Variants in MPRIP observed in about 807,000 individuals in gnomAD.
The protein encoded by MPRIP is myosin phosphatase Rho interacting protein.
Under a neutral mutation model 234.9 loss-of-function variants are expected in MPRIP, and 59 were observed. The observed-to-expected ratio is 0.25, with a 90% confidence interval of 0.20 to 0.31. The LOEUF (loss-of-function observed/expected upper bound fraction) is 0.31. Ranked by LOEUF, MPRIP falls within the 10% of genes least tolerant of loss-of-function variation. The pLI, the probability that MPRIP is intolerant of heterozygous loss-of-function variation, is 1.00. For synonymous variants in MPRIP, 1,144 were observed against 1,263.9 expected, an observed-to-expected ratio of 0.91 and a Z score of 2.01; for missense variants, 2,436 against 3,071.0, an observed-to-expected ratio of 0.79 and a Z score of 4.89.
intron 18 of MPRIP, 146 bp downstream of exon 18, chr17:17,172,961 C>T (rs2046177069): frequency 3.0e-6 from 2 of 657,266 alleles, no homozygotes; most frequent in Non-Finnish European, 5.3e-6. Context: ...CTCAGATGCC[C>T]TCTTGTCCAG....
At chr17:17,073,361 C>G (rs1041953543) in intron 1 of MPRIP, among the ~76,000 whole-genome samples, 2 of 152,188 alleles carry the variant, frequency 1.3e-5, no homozygotes, top group Non-Finnish European at 2.9e-5. Context: ...ACACGGGGTT[C>G]CTGAGCAGAG....
At chr17:17,179,775 CGGGG>C (rs2046334202) in intron 22 of MPRIP, among the ~76,000 whole-genome samples, 1 of 152,178 alleles carries the variant, frequency 6.6e-6, no homozygotes, top group African/African-American at 2.4e-5. Context: ...GAAGCCCTGG[CGGGG>C]CCCCACATAC....
intron 13 of MPRIP, among the ~76,000 whole-genome samples, chr17:17,155,185 G>A (rs1463145620): frequency 6.6e-6 from 1 of 151,990 alleles, no homozygotes; most frequent in East Asian, 1.9e-4. Flanking sequence ...TTGTGCTGTG[G>A]GTTAGGCTGC....
intron 23 of MPRIP, chr17:17,180,564 T>G: frequency 1.3e-6 from 2 of 1,574,200 alleles, no homozygotes; most frequent in Non-Finnish European, 1.7e-6. Context: ...CGCGTGTGTT[T>G]GGGATTGGTT....
At chr17:17,090,893 C>A (rs1208041101) in intron 3 of MPRIP, among the ~76,000 whole-genome samples, 1 of 152,068 alleles carries the variant, frequency 6.6e-6, no homozygotes, top group African/African-American at 2.4e-5. Flanking sequence ...GGTTTTGGAG[C>A]CTTACCTGGT....
At chr17:17,091,414 C>G (rs1199093039) in intron 3 of MPRIP, among the ~76,000 whole-genome samples, 2 of 152,172 alleles carry the variant, frequency 1.3e-5, no homozygotes, top group Non-Finnish European at 2.9e-5. Context: ...GCCGCTTGCT[C>G]CGTGCAGCAT....
chr17:17,102,282 A>G (rs1246327412), intron 3 of MPRIP, among the ~76,000 whole-genome samples: 1 of 152,176 alleles, frequency 6.6e-6, no homozygotes, highest in South Asian at 2.1e-4. Context: ...CAGCTCCCCA[A>G]GTGTACAAGG....
At chr17:17,103,547 G>A (rs768812892) in intron 3 of MPRIP, among the ~76,000 whole-genome samples, 1 of 152,188 alleles carries the variant, frequency 6.6e-6, no homozygotes, top group Non-Finnish European at 1.5e-5. Flanking sequence ...AAGCAGATTT[G>A]TTTTTGCAGG....
chr17:17,152,040 T>C (rs1350505125), intron 12 of MPRIP, among the ~76,000 whole-genome samples: 1 of 152,236 alleles, frequency 6.6e-6, no homozygotes, highest in Non-Finnish European at 1.5e-5. Context: ...GACTGAAGTA[T>C]AGACCCAAAG....
intron 6 of MPRIP, among the ~76,000 whole-genome samples, chr17:17,136,982 C>A (rs1266332080): frequency 6.6e-6 from 1 of 152,150 alleles, no homozygotes; most frequent in Admixed American, 6.5e-5. Context: ...GTCTTGTTCC[C>A]AGGCTCTAGA....
rs762385637 is a variant in MPRIP at position 17,126,690 on chromosome 17, G to A, written c.268-12G>A. On this transcript the variant is annotated splice_polypyrimidine_tract_variant and intron_variant, in intron 3 of 23. Coordinates refer to ENST00000651222, the MANE Select transcript of MPRIP (RefSeq NM_001364716.4). ...GCTGGCCTCTGGGTGACTCTCTGCC[G>A]CCTTCTTCCAGCCCACGACCCTTCC... 55 of 1,605,392 alleles carry A rather than the reference G, an allele frequency of 3.4e-5. 1 individual carries two copies. In the South Asian group the frequency reaches 4.4e-4, roughly 13 times the overall value.
At chr17:17,081,417 G>A (rs1393531169) in intron 3 of MPRIP, among the ~76,000 whole-genome samples, 1 of 152,192 alleles carries the variant, frequency 6.6e-6, no homozygotes, top group Non-Finnish European at 1.5e-5. Flanking sequence ...CTTAAGACAG[G>A]GCGGGTAGGA....
chr17:17,054,611 C>T (rs184250152), intron 1 of MPRIP, among the ~76,000 whole-genome samples: 272 of 152,162 alleles, frequency 1.8e-3, no homozygotes, highest in Middle Eastern at 6.8e-3. Flanking sequence ...AGAGAAAACC[C>T]ACGGAGTCGT....
intron 3 of MPRIP, among the ~76,000 whole-genome samples, chr17:17,114,194 C>T (rs537268903): frequency 6.6e-6 from 1 of 152,286 alleles, no homozygotes; most frequent in East Asian, 1.9e-4. Context: ...CTAATGACGT[C>T]AGGCACCTTT....
chr17:17,096,288 GGTGTGTGTGTGTGTGTGTGTGT>G (rs59748753), intron 3 of MPRIP, among the ~76,000 whole-genome samples: 3,163 of 136,586 alleles, frequency 0.023, 92 homozygotes, highest in East Asian at 0.13. Context: ...GTGTGTGCAG[GGTGTGTGTGTGTGTGTGTGTGT>G]GTGTGTGTGT....
rs903099769 is a variant in MPRIP at position 17,136,563 on chromosome 17, G to A, written c.736+113G>A. On this transcript the variant is annotated intron_variant, in intron 6 of 23. Coordinates refer to ENST00000651222, the MANE Select transcript of MPRIP (RefSeq NM_001364716.4). ...GAGCCCAGTCGCAAGCCTGGACCTC[G>A]ATTCCCTTTGTCCATCAGCCCTGGG... The A allele has an allele frequency of 7.9e-6, 8 of 1,012,978 alleles. No homozygotes were observed. In the African/African-American group the frequency reaches 9.6e-5, roughly 12 times the overall value. The allele number at this position is 1,012,978 out of a possible 1,614,324, so 62.7% of individuals were successfully genotyped here.
chr17:17,125,009 C>A (rs1255837070), intron 3 of MPRIP, among the ~76,000 whole-genome samples: 1 of 152,190 alleles, frequency 6.6e-6, no homozygotes, highest in African/African-American at 2.4e-5. Flanking sequence ...TGGATCCAGG[C>A]TTCCTGGACT....
At chr17:17,105,839 T>C (rs1189216025) in intron 3 of MPRIP, among the ~76,000 whole-genome samples, 3 of 152,240 alleles carry the variant, frequency 2.0e-5, no homozygotes, top group Non-Finnish European at 4.4e-5. Flanking sequence ...TTTTGATCTT[T>C]ATTTAGGGTT....
At chr17:17,121,079 G>A (rs905087808) in intron 3 of MPRIP, among the ~76,000 whole-genome samples, 2 of 152,182 alleles carry the variant, frequency 1.3e-5, no homozygotes, top group African/African-American at 2.4e-5. Context: ...TCCTGACATG[G>A]CTACTTCCTA....
Sources: gnomAD v4.1 joint callset for allele counts (sites outside exome capture counted in the v4.1 genomes callset) on GRCh38, gnomAD v4.1.1 for gene constraint, MANE v1.5 for transcripts, NCBI Gene and HGNC (gene_info 2026-07-23, HGNC 2026-07-21) for gene names.